The following MAN2A2 variants were observed in gnomAD, a reference collection of about 807,000 sequenced individuals.
MAN2A2 encodes mannosidase alpha class 2A member 2.
Under a neutral mutation model 126.8 loss-of-function variants are expected in MAN2A2, and 79 were observed. The ratio of observed to expected loss-of-function variants is 0.62; its 90% CI spans 0.52 to 0.75. The LOEUF is 0.75. Among genes scored for constraint, MAN2A2 ranks in the 30% least tolerant of loss-of-function variants. The pLI is 0.00. For missense variants in MAN2A2, 1,392 were observed against 1,522.4 expected, an observed-to-expected ratio of 0.91 and a Z score of 1.43; for synonymous variants, 671 against 618.7, an observed-to-expected ratio of 1.08 and a Z score of -1.25.
Position 90,910,308 on chromosome 15 carries a change from C to T in MAN2A2, c.1577+16C>T, listed in dbSNP as rs200302312. The T allele has an allele frequency of 3.4e-5, 55 of 1,613,202 alleles. No homozygotes were observed. Among genetic ancestry groups the T allele is most frequent in the African/African-American group, 1.2e-4 (9 of 75,010 alleles). ...CCCACCTGCGGTGAGACCCTGTCCC[C>T]GCTTCCAGGCTGGAGGGGGAGAGTC... On this transcript the variant is annotated intron_variant, in intron 10 of 22. Coordinates refer to ENST00000559717, the MANE Select transcript of MAN2A2 (RefSeq NM_006122.4).
At position 90,915,086 on chromosome 15, in the gene MAN2A2, C is replaced by G. The variant is rs77569213; in HGVS notation, c.2861-1037C>G. On this transcript the variant is annotated intron_variant, in intron 19 of 22. Transcript: ENST00000559717. Reference sequence around the variant, plus strand: ...CTGACTCCCTGCTGGGAGGAGTGTGCCTTTCTCTGCCAGGAGCAGCCCCTG... The same window carrying G: ...CTGACTCCCTGCTGGGAGGAGTGTGGCTTTCTCTGCCAGGAGCAGCCCCTG... 9.4e-3 allele frequency among the ~76,000 whole-genome samples: 1,436 copies of G among 152,316 alleles called. 20 individuals carry two copies. Among genetic ancestry groups the G allele is most frequent in the African/African-American group, 0.026 (1,064 of 41,572 alleles).
In MAN2A2 at chr15:90,913,647, C is replaced by G. The variant is rs764927109; in HGVS notation, c.2752C>G (p.Leu918Val). 2.5e-6 allele frequency: 4 copies of G among 1,612,642 alleles called. No homozygotes were observed. The East Asian group carries it at 6.7e-5, about 27-fold the overall frequency. Residue 918 changes from leucine (L) to valine (V), a missense_variant, in exon 19 of 23, where the codon CTC becomes GTC. Transcript: ENST00000559717. ...CCGACGGTATCTGAAGAAGCTCCCC[C>G]TCCAGGCCAACTTCTACCCCATGCC... ...QPRRYLKKLP[L>V]QANFYPMPVM...
chr15:90,903,028 G>C (rs1251026532), upstream of MAN2A2: 2 of 151,976 alleles, frequency 1.3e-5, no homozygotes, highest in Non-Finnish European at 2.9e-5. Context: ...GACAGAGGCC[G>C]GGCTCGGGCG....
At chr15:90,917,328 TA>T (rs1233316387) in intron 20 of MAN2A2, among the ~76,000 whole-genome samples, 2 of 152,144 alleles carry the variant, frequency 1.3e-5, no homozygotes, top group Non-Finnish European at 2.9e-5. Flanking sequence ...GAGTGCCTGC[TA>T]AGGGATCTGG....
At chr15:90,904,453 C>T in intron 2 of MAN2A2, 114 bp downstream of exon 2, 1 of 1,204,280 alleles carries the variant, frequency 8.3e-7, no homozygotes, top group South Asian at 1.5e-5. Flanking sequence ...AATGTCAGTA[C>T]AGGACAGGAG....
chr15:90,906,754 T>C lies in MAN2A2; in HGVS notation c.850T>C (p.Ser284Pro), dbSNP rs1201583050. 1 of 1,612,670 alleles carries C rather than the reference T, an allele frequency of 6.2e-7. No individual in the cohort carries two copies. The highest frequency in any genetic ancestry group is 2.2e-5 in the East Asian group (1 of 44,872). Residue 284 changes from serine to proline, a missense_variant, in exon 7 of 23, where the codon TCT becomes CCT. Physicochemically the swap from Ser to Pro is moderately conservative, Grantham distance 74 (BLOSUM62 -1). Coordinates refer to ENST00000559717, the MANE Select transcript of MAN2A2 (RefSeq NM_006122.4). ...GCCCTGCCCAGGTGCAACCCCCCGC[T>C]CTGGCTGGGCAGTGGACCCCTTTGG... ...LERNLGATPR[S>P]GWAVDPFGYS... is the part of the protein sequence containing the mutation.
intron 9 of MAN2A2, 94 bp downstream of exon 9, chr15:90,909,598 T>TC: frequency 8.4e-7 from 1 of 1,190,216 alleles, no homozygotes; most frequent in Non-Finnish European, 1.1e-6. Flanking sequence ...TCGGGCAGGG[T>TC]GCCCCCCTTT....
At chr15:90,915,870 G>A (rs531323984) in intron 19 of MAN2A2, 7 of 468,748 alleles carry the variant, frequency 1.5e-5, no homozygotes, top group Admixed American at 1.5e-4. Context: ...CAGAGCGTGG[G>A]GGGTAAACTG....
chr15:90,905,216 G>T, intron 2 of MAN2A2, 35 bp from the exon 3 acceptor site: 2 of 1,602,790 alleles, frequency 1.2e-6, no homozygotes, highest in Non-Finnish European at 1.7e-6. Context: ...GTGGCATAAG[G>T]AGCTGTGTGT....
intron 17 of MAN2A2, 46 bp downstream of exon 17, chr15:90,913,037 C>T (rs757953540): frequency 6.7e-7 from 1 of 1,501,980 alleles, no homozygotes; most frequent in Non-Finnish European, 9.2e-7. Flanking sequence ...GTGTGGGCTC[C>T]ACAACTGTGG....
chr15:90,910,892 A>C lies in MAN2A2; in HGVS notation c.1806A>C (p.Ala602=). The C allele has an allele frequency of 1.2e-6, 2 of 1,614,148 alleles. No homozygotes were observed. The highest frequency in any genetic ancestry group is 2.2e-5 in the South Asian group (2 of 91,084). The change falls in exon 12 of 23, where the codon GCA becomes GCC. Residue 602 remains alanine (A), a synonymous_variant. Transcript: ENST00000559717. ...LVNLKQVIIH[A]AHYLVLGDKE... ...ACCTGAAGCAGGTCATCATTCATGC[A>C]GCCCACTATCTGGTGCTGGGGGACA...
chr15:90,909,538 CA>C (rs1233101241), intron 9 of MAN2A2, 34 bp downstream of exon 9: 1 of 1,588,450 alleles, frequency 6.3e-7, no homozygotes, highest in Non-Finnish European at 8.6e-7. Flanking sequence ...AGGGGCCTCA[CA>C]GTGCTGCAGC....
At chr15:90,916,748 C>G in intron 20 of MAN2A2, 1 of 1,000,218 alleles carries the variant, frequency 1.0e-6, no homozygotes, top group Non-Finnish European at 1.4e-6. Context: ...CACTCAGTCA[C>G]TCGTGCATCA....
rs115275234 is a variant in MAN2A2 at position 90,912,007 on chromosome 15, C to T, written c.2110-36C>T. On this transcript the variant is annotated intron_variant, in intron 14 of 22. Transcript: ENST00000559717. Reference sequence around the variant, plus strand: ...GCCTCAGCACCCCTGTGGCGAAAGCCGTGCCCCCACTTCCTCACCCCTCCT... The same window carrying T: ...GCCTCAGCACCCCTGTGGCGAAAGCTGTGCCCCCACTTCCTCACCCCTCCT... The T allele has an allele frequency of 2.1e-4, 329 of 1,561,072 alleles. 2 individuals carry two copies. The African/African-American group carries it at 3.8e-3, about 18-fold the overall frequency.
At chr15:90,906,636 C>A in intron 6 of MAN2A2, 104 bp from the exon 7 acceptor site, 3 of 1,561,352 alleles carry the variant, frequency 1.9e-6, no homozygotes, top group Non-Finnish European at 2.6e-6. Flanking sequence ...TATCATCTCT[C>A]CACTCACTAC....
In MAN2A2 at chr15:90,903,359, C is replaced by G. The variant is rs908874185; in HGVS notation, c.-92C>G. On this transcript the variant is annotated 5_prime_UTR_variant, in exon 1 of 23. Coordinates refer to ENST00000559717, the MANE Select transcript of MAN2A2 (RefSeq NM_006122.4). ...GACAAAGCTCCTCGGCCCCAGGGCC[C>G]GCGGAGCAGACTCCGGAGCGCGGTC... 2 of 152,690 alleles carry G rather than the reference C, an allele frequency of 1.3e-5. No homozygotes were observed. Among genetic ancestry groups the G allele is most frequent in the Admixed American group, 6.5e-5 (1 of 15,354 alleles). The allele number at this position is 152,690 out of a possible 1,614,324, so 9.5% of individuals were successfully genotyped here.
chr15:90,913,642 T>TC lies in MAN2A2; in HGVS notation c.2752dup (p.Leu918ProfsTer33). The TC allele has an allele frequency of 6.2e-7, 1 of 1,612,182 alleles. No homozygotes were observed. The highest frequency in any genetic ancestry group is 8.5e-7 in the Non-Finnish European group (1 of 1,179,448). ...CAGCCCCGACGGTATCTGAAGAAGC[T>TC]CCCCCTCCAGGCCAACTTCTACCCC... is the stretch of plus-strand genomic sequence containing the variant. On this transcript the variant is annotated frameshift_variant, in exon 19 of 23. Transcript: ENST00000559717. LOFTEE classifies it high-confidence loss of function.
chr15:90,919,464 C>G (rs2151333633), intron 22 of MAN2A2, among the ~76,000 whole-genome samples, 171 bp from the exon 23 acceptor site: 1 of 152,336 alleles, frequency 6.6e-6, no homozygotes, highest in African/African-American at 2.4e-5. Context: ...GTCTCGAACT[C>G]CTGACCTCAG....
chr15:90,902,445 G>C (rs1480794752), upstream of MAN2A2: 1 of 152,290 alleles, frequency 6.6e-6, no homozygotes, highest in Non-Finnish European at 1.5e-5. Context: ...GCCGGGTGAG[G>C]CCGCGGAGAA....
Sources: allele counts gnomAD v4.1 joint callset (sites outside exome capture counted in the v4.1 genomes callset), GRCh38; gene constraint gnomAD v4.1.1; transcripts MANE v1.5; gene names NCBI Gene and HGNC (gene_info 2026-07-23, HGNC 2026-07-21).